TMCO6: variants seen among roughly 807,000 people sequenced by gnomAD.
TMCO6 encodes transmembrane and coiled-coil domain-containing protein 6.
Under a neutral mutation model 61.8 loss-of-function variants are expected in TMCO6, and 47 were observed. The observed-to-expected ratio is 0.76, with a 90% CI of 0.60 to 0.97. The LOEUF (loss-of-function observed/expected upper bound fraction) is 0.97, where lower values mean the gene tolerates loss of function less well. TMCO6 is among the 50% of genes least tolerant of loss of function. The probability of loss-of-function intolerance (pLI) is 0.00; values close to 1 mark genes in which losing one functional copy is unlikely to be tolerated. For synonymous variants in TMCO6, 261 were observed against 254.2 expected, an observed-to-expected ratio of 1.03 and a Z score of -0.25; for missense variants, 557 against 601.6, an observed-to-expected ratio of 0.93 and a Z score of 0.78.
the TMCO6 span, among the ~76,000 whole-genome samples, chr5:140,611,051 G>C: frequency 2.6e-5 from 4 of 152,110 alleles, no homozygotes; most frequent in Non-Finnish European, 5.9e-5. Context: ...GAATTAAAGA[G>C]GAAAGAAACA....
Position 140,644,592 on chromosome 5 carries a change from A to G in TMCO6, c.1220A>G (p.Asn407Ser), listed in dbSNP as rs769644476. ...VSVMVLTVLC[N>S]VAEKGPAYCQ... is the part of the protein sequence containing the mutation. ...CTGCAGGTGCTCACAGTTCTGTGCA[A>G]TGTTGCAGAAAAGGGTCCTGCTTAC... The change falls in exon 11 of 12, where the codon AAT becomes AGT. Residue 407 changes from asparagine to serine, a missense_variant. Transcript: ENST00000394671. 25 of 1,614,100 alleles carry G rather than the reference A, an allele frequency of 1.5e-5. No individual in the cohort carries two copies. Among genetic ancestry groups the G allele is most frequent in the Middle Eastern group, 1.6e-4 (1 of 6,084 alleles).
At chr5:140,645,595 T>TA, downstream of TMCO6, 1 of 1,614,200 alleles carries the variant, frequency 6.2e-7, no homozygotes, top group Middle Eastern at 1.7e-4. Context: ...CTTCAGGCTT[T>TA]ACCACTTAGA....
rs1009312963 is a variant in TMCO6 at position 140,643,427 on chromosome 5, C to T, written c.807-137C>T. ...GGCCAGGCTGGTCTCAAACTCCTGA[C>T]CTCAGGTGATCCACCCACCTCAGCC... On this transcript the variant is annotated intron_variant, in intron 7 of 11. Coordinates refer to ENST00000394671, the MANE Select transcript of TMCO6 (RefSeq NM_018502.5). The T allele has an allele frequency of 2.0e-5, 16 of 812,864 alleles. No individual in the cohort carries two copies. In the African/African-American group the frequency reaches 2.0e-4, roughly 10 times the overall value. The allele number at this position is 812,864 out of a possible 1,614,324, so 50.4% of individuals were successfully genotyped here.
At chr5:140,636,805 A>G (rs922600579), upstream of TMCO6, among the ~76,000 whole-genome samples, 2 of 152,230 alleles carry the variant, frequency 1.3e-5, no homozygotes, top group Non-Finnish European at 2.9e-5. Context: ...ATTGGTTTTA[A>G]GAATAACCTT....
the TMCO6 span, among the ~76,000 whole-genome samples, chr5:140,625,383 T>C: frequency 5.9e-5 from 9 of 152,350 alleles, no homozygotes; most frequent in African/African-American, 1.9e-4. Context: ...GCTATCTCTC[T>C]GATATCATTG....
chr5:140,629,343 T>C, the TMCO6 span, among the ~76,000 whole-genome samples: 1 of 152,030 alleles, frequency 6.6e-6, no homozygotes, highest in Non-Finnish European at 1.5e-5. Flanking sequence ...AATGTTGCAG[T>C]ATTTGCACAT....
the TMCO6 span, among the ~76,000 whole-genome samples, chr5:140,605,738 C>T: frequency 2.6e-5 from 1 of 38,112 alleles, no homozygotes; most frequent in East Asian, 6.2e-4. Context: ...CACACACACA[C>T]AAAGAAAGAA....
chr5:140,647,295 C>T (rs755423265), downstream of TMCO6: 4 of 1,575,086 alleles, frequency 2.5e-6, no homozygotes, highest in East Asian at 6.7e-5. Flanking sequence ...TCGGAGCATT[C>T]GCGGATTAGG....
Position 140,645,226 on chromosome 5 carries a change from T to C in TMCO6, c.*128T>C. 1.0e-6 allele frequency: 1 copy of C among 954,804 alleles called. No homozygotes were observed. Among genetic ancestry groups the C allele is most frequent in the Non-Finnish European group, 1.6e-6 (1 of 627,232 alleles). The allele number at this position is 954,804 out of a possible 1,614,324, so 59.1% of individuals were successfully genotyped here. A position where few individuals can be genotyped will look rare whatever the true frequency, so the allele number is the denominator to read the frequency against. Reference sequence around the variant, plus strand: ...CTGCTCCCACACCTAAGCCAAGACCTTTGGGTCCCAGCTCCTCCCCTTCCA... The same window carrying C: ...CTGCTCCCACACCTAAGCCAAGACCCTTGGGTCCCAGCTCCTCCCCTTCCA... On this transcript the variant is annotated 3_prime_UTR_variant, in exon 12 of 12. Coordinates refer to ENST00000394671, the MANE Select transcript of TMCO6 (RefSeq NM_018502.5).
the TMCO6 span, among the ~76,000 whole-genome samples, chr5:140,616,317 G>A: frequency 3.3e-5 from 5 of 152,046 alleles, no homozygotes; most frequent in African/African-American, 1.2e-4. Flanking sequence ...ACTTTGAGAG[G>A]CCAAGGCCAA....
the TMCO6 span, among the ~76,000 whole-genome samples, chr5:140,620,987 TG>T: frequency 6.6e-6 from 1 of 151,802 alleles, no homozygotes; most frequent in African/African-American, 2.4e-5. Flanking sequence ...CACTCCAACC[TG>T]GGGGACAGAG....
At chr5:140,632,888 GA>G in the TMCO6 span, 1 of 1,614,206 alleles carries the variant, frequency 6.2e-7, no homozygotes, top group Non-Finnish European at 8.5e-7. The surrounding 1 kb of genome is among the most constrained non-coding windows in gnomAD (Gnocchi z 6.2). Context: ...AGACGCAGCG[GA>G]AATCTTCATC....
At chr5:140,607,031 T>C in the TMCO6 span, among the ~76,000 whole-genome samples, 4 of 151,660 alleles carry the variant, frequency 2.6e-5, no homozygotes, top group Non-Finnish European at 4.4e-5. Context: ...AAAAACCTTA[T>C]AGACTACTGT....
the TMCO6 span, chr5:140,631,929 C>T: frequency 1.9e-6 from 3 of 1,608,908 alleles, no homozygotes; most frequent in South Asian, 1.1e-5. Flanking sequence ...CGAACGTGCA[C>T]AGGCTGGGAC....
At chr5:140,610,640 A>G in the TMCO6 span, among the ~76,000 whole-genome samples, 23 of 152,280 alleles carry the variant, frequency 1.5e-4, no homozygotes, top group African/African-American at 5.5e-4. Flanking sequence ...AATCACTAGG[A>G]GTTTTTAATA....
At chr5:140,599,197 G>A in the TMCO6 span, among the ~76,000 whole-genome samples, 1 of 152,164 alleles carries the variant, frequency 6.6e-6, no homozygotes, top group African/African-American at 2.4e-5. Context: ...GTATTCTTAG[G>A]TCCACTCATT....
At chr5:140,620,330 T>C in the TMCO6 span, among the ~76,000 whole-genome samples, 5 of 152,140 alleles carry the variant, frequency 3.3e-5, no homozygotes, top group Non-Finnish European at 5.9e-5. Flanking sequence ...AAGACAAAAC[T>C]ATATTGACAG....
At position 140,644,985 on chromosome 5, in the gene TMCO6, G is replaced by A. The variant is rs763493219; in HGVS notation, c.1369G>A (p.Ala457Thr). 1.4e-5 allele frequency: 22 copies of A among 1,613,944 alleles called. No individual in the cohort carries two copies. Among genetic ancestry groups the A allele is most frequent in the Non-Finnish European group, 1.7e-5 (20 of 1,179,974 alleles). Residue 457 changes from alanine to threonine, a missense_variant and splice_region_variant, in exon 12 of 12, where the codon GCT becomes ACT. Physicochemically the swap from Ala to Thr is moderately conservative, Grantham distance 58. Transcript: ENST00000394671. ...LHLLFLYQPE[A>T]VQVFLQQSGL... ...GTTGAATTTTCTTCCCTGCCCCTAG[G>A]CTGTTCAGGTCTTCCTGCAGCAGTC...
At chr5:140,633,125 A>C in the TMCO6 span, 3 of 1,612,032 alleles carry the variant, frequency 1.9e-6, no homozygotes, top group Admixed American at 3.3e-5. Context: ...GAAGTGCTTT[A>C]GCTTCTTTCC....
Sources: allele counts gnomAD v4.1 joint callset (sites outside exome capture counted in the v4.1 genomes callset), GRCh38; gene constraint gnomAD v4.1.1; non-coding constraint Gnocchi (gnomAD v3.1); transcripts MANE v1.5; gene names NCBI Gene and HGNC (gene_info 2026-07-23, HGNC 2026-07-21).